The following OTOP1 variants were observed in gnomAD, a reference collection of about 807,000 sequenced individuals.
The protein encoded by OTOP1 is otopetrin 1, also known as proton channel OTOP1.
In OTOP1, 59 loss-of-function variants were observed where a neutral mutation model predicts 52.9. That is an observed-to-expected ratio of 1.12 (90% CI 0.91 to 1.39). OTOP1 has a LOEUF of 1.39. Ranked by LOEUF, OTOP1 falls within the 40% of genes most tolerant of loss-of-function variation. The pLI is 0.00. For synonymous variants in OTOP1, 317 were observed against 337.7 expected (o/e 0.94, Z 0.67); for missense variants, 761 against 800.9 (o/e 0.95, Z 0.60).
chr4:4,226,429 G>A, intron 1 of OTOP1, 33 bp downstream of exon 1: 1 of 1,403,676 alleles, frequency 7.1e-7, no homozygotes, highest in Non-Finnish European at 9.2e-7. Context: ...GGGCGAGGAG[G>A]CGGAGACCCG....
At chr4:4,203,330 GT>G (rs1351826737) in intron 3 of OTOP1, among the ~76,000 whole-genome samples, 3 of 152,350 alleles carry the variant, frequency 2.0e-5, no homozygotes, top group East Asian at 3.9e-4. Context: ...GGATGGCAGA[GT>G]GGAAATCTAG....
At chr4:4,222,986 T>A (rs6838109) in intron 1 of OTOP1, among the ~76,000 whole-genome samples, 68,092 of 152,098 alleles carry the variant, frequency 0.45, 17,333 homozygotes, top group Non-Finnish European at 0.6. Context: ...ATCTTACTGA[T>A]GAGGAAAGCA....
At chr4:4,200,770 C>G (rs1297362656) in intron 4 of OTOP1, among the ~76,000 whole-genome samples, 1 of 146,862 alleles carries the variant, frequency 6.8e-6, no homozygotes, top group Admixed American at 6.9e-5. Context: ...GTTGCCCAGG[C>G]TGGTCTCAAA....
At chr4:4,203,957 T>A (rs1716843457) in intron 3 of OTOP1, among the ~76,000 whole-genome samples, 2 of 152,234 alleles carry the variant, frequency 1.3e-5, no homozygotes, top group South Asian at 4.2e-4. Context: ...CTCAACTCAA[T>A]ACCTATAGGA....
intron 5 of OTOP1, among the ~76,000 whole-genome samples, chr4:4,194,057 T>C (rs1461272716): frequency 6.6e-6 from 1 of 151,992 alleles, no homozygotes; most frequent in Non-Finnish European, 1.5e-5. Flanking sequence ...GCATGGTGGT[T>C]GCATGCCTGT....
chr4:4,207,074 G>C (rs1991916), intron 2 of OTOP1, among the ~76,000 whole-genome samples: 122,621 of 152,172 alleles, frequency 0.81, 50,127 homozygotes, highest in African/African-American at 0.94. Flanking sequence ...TAAAATCAGA[G>C]AGTAAAAAAT....
At chr4:4,203,024 C>A (rs1716824260) in intron 3 of OTOP1, among the ~76,000 whole-genome samples, 1 of 152,214 alleles carries the variant, frequency 6.6e-6, no homozygotes, top group Admixed American at 6.5e-5. Context: ...TTGGCCAACC[C>A]CAACCATCAT....
chr4:4,219,268 G>T (rs1005486580), intron 1 of OTOP1, among the ~76,000 whole-genome samples: 1 of 152,104 alleles, frequency 6.6e-6, no homozygotes, highest in Non-Finnish European at 1.5e-5. Flanking sequence ...AGTAATAAAG[G>T]TTTAAAATAA....
intron 4 of OTOP1, among the ~76,000 whole-genome samples, chr4:4,200,424 C>T (rs1466792477): frequency 3.3e-5 from 5 of 149,408 alleles, no homozygotes; most frequent in African/African-American, 2.5e-5. Context: ...TGCAGTGATC[C>T]GAGACCATGC....
At chr4:4,215,507 A>G (rs1291808349) in intron 1 of OTOP1, among the ~76,000 whole-genome samples, 1 of 152,086 alleles carries the variant, frequency 6.6e-6, no homozygotes, top group Non-Finnish European at 1.5e-5. Flanking sequence ...ACTAAAAAAT[A>G]CAAAATTAGC....
chr4:4,188,852 T>C lies in OTOP1; in HGVS notation c.1790A>G (p.Tyr597Cys), dbSNP rs753446220. The C allele has an allele frequency of 1.9e-6, 3 of 1,613,698 alleles. No individual in the cohort carries two copies. The highest frequency in any genetic ancestry group is 4.5e-5 in the East Asian group (2 of 44,892). ...GAGGGAGGCAGCTGCGTGCATTCGATAGAAAATAGAAAAAGGCATGGCCAG... is the reference window on the plus strand; with the variant it reads ...GAGGGAGGCAGCTGCGTGCATTCGACAGAAAATAGAAAAAGGCATGGCCAG... Reference protein sequence around the residue: ...VNLAMPFSIFYRMHAAASLFE... With the variant: ...VNLAMPFSIFCRMHAAASLFE... Residue 597 changes from tyrosine to cysteine, a missense_variant, in exon 6 of 6, where the codon TAT becomes TGT. By Grantham distance (194) the Tyr-to-Cys change is radical. Transcript: ENST00000296358.
intron 5 of OTOP1, among the ~76,000 whole-genome samples, chr4:4,189,967 G>A (rs1285796395): frequency 6.6e-6 from 1 of 152,234 alleles, no homozygotes; most frequent in African/African-American, 2.4e-5. Flanking sequence ...AGCTAAAACT[G>A]TAGTTGGATT....
chr4:4,206,248 ACCT>A, intron 2 of OTOP1, 118 bp from the exon 3 acceptor site: 1 of 751,746 alleles, frequency 1.3e-6, no homozygotes, highest in Non-Finnish European at 2.2e-6. Context: ...GACATCAGTG[ACCT>A]CCTACTCCAT....
chr4:4,213,807 G>T (rs1452858487), intron 1 of OTOP1, among the ~76,000 whole-genome samples: 1 of 152,102 alleles, frequency 6.6e-6, no homozygotes, highest in African/African-American at 2.4e-5. Flanking sequence ...TAACAACAAT[G>T]GGTTGGGCAC....
chr4:4,226,409 T>C, intron 1 of OTOP1, 53 bp downstream of exon 1: 3 of 1,377,508 alleles, frequency 2.2e-6, no homozygotes, highest in Non-Finnish European at 2.8e-6. Context: ...AGCCTCAGGA[T>C]GCAGCCAGCG....
chr4:4,219,776 T>C (rs1307773919), intron 1 of OTOP1, among the ~76,000 whole-genome samples: 1 of 149,526 alleles, frequency 6.7e-6, no homozygotes, highest in East Asian at 1.9e-4. Context: ...TTGCTTTATA[T>C]ATATGCACAT....
chr4:4,203,263 G>C (rs1202021726), intron 3 of OTOP1, among the ~76,000 whole-genome samples: 4 of 152,234 alleles, frequency 2.6e-5, no homozygotes, highest in African/African-American at 4.8e-5. Context: ...CTGGAGTTGT[G>C]GTGGCCATCT....
rs146406489 is a variant in OTOP1, at chr4:4,202,622, C to A, written c.600-44G>T. The A allele has an allele frequency of 1.5e-3, 2,386 of 1,607,790 alleles. 17 individuals carry two copies. The East Asian group carries it at 0.015, about 10-fold the overall frequency. On this transcript the variant is annotated intron_variant, in intron 3 of 5. Coordinates refer to ENST00000296358, the MANE Select transcript of OTOP1 (RefSeq NM_177998.3). ...CAGTTCTCAAGCAGCCCTGGGAGAG[C>A]CTCAGGCACCATGGGGTGAGACAGA...
At chr4:4,194,840 C>T (rs1311099585) in intron 5 of OTOP1, among the ~76,000 whole-genome samples, 2 of 152,194 alleles carry the variant, frequency 1.3e-5, no homozygotes, top group Admixed American at 6.5e-5. Context: ...TCCCCCTCCT[C>T]ACCAACCCCC....
Sources: gnomAD v4.1 joint callset for allele counts (sites outside exome capture counted in the v4.1 genomes callset) on GRCh38, gnomAD v4.1.1 for gene constraint, MANE v1.5 for transcripts, NCBI Gene and HGNC (gene_info 2026-07-23, HGNC 2026-07-21) for gene names.